Variants in CMSS1 observed in about 807,000 individuals in gnomAD.
CMSS1 encodes the protein cms1 ribosomal small subunit homolog, also known as protein CMSS1.
Under a neutral mutation model 43.5 loss-of-function variants are expected in CMSS1, and 33 were observed. That is an observed-to-expected ratio of 0.76 (90% CI 0.57 to 1.01). CMSS1 has a LOEUF of 1.01. Ranked by LOEUF, CMSS1 falls within the 50% of genes least tolerant of loss-of-function variation. The pLI is 0.00. For missense variants in CMSS1, 313 were observed against 326.4 expected (o/e 0.96, Z 0.32); for synonymous variants, 115 against 117.2 (o/e 0.98, Z 0.12).
intron 1 of CMSS1, among the ~76,000 whole-genome samples, chr3:99,900,441 C>G (rs767540781): frequency 1.3e-5 from 2 of 152,136 alleles, no homozygotes; most frequent in South Asian, 4.1e-4. Flanking sequence ...GATGAAGAAA[C>G]TGAGTCTCTA....
chr3:99,971,333 CAA>C (rs34655586), intron 1 of CMSS1, among the ~76,000 whole-genome samples: 12 of 121,492 alleles, frequency 9.9e-5, no homozygotes, highest in Admixed American at 2.6e-4. Context: ...GAGCCCATCT[CAA>C]AAAAAAAAAA....
At chr3:100,175,395 T>C (rs1188808237) in intron 8 of CMSS1, among the ~76,000 whole-genome samples, 1 of 152,230 alleles carries the variant, frequency 6.6e-6, no homozygotes, top group Non-Finnish European at 1.5e-5. Context: ...GAAGCTGTTA[T>C]AATATTATGC....
chr3:100,031,377 T>A (rs1488690989), intron 1 of CMSS1, among the ~76,000 whole-genome samples: 1 of 152,140 alleles, frequency 6.6e-6, no homozygotes, highest in African/African-American at 2.4e-5. Context: ...TACCCTCGTT[T>A]CCACTCATCC....
chr3:99,905,265 A>G (rs1384462083), intron 1 of CMSS1, among the ~76,000 whole-genome samples: 1 of 152,040 alleles, frequency 6.6e-6, no homozygotes, highest in African/African-American at 2.4e-5. Context: ...GAAACTCCCA[A>G]ATTTTTACCT....
At chr3:99,820,927 T>C (rs1402274053) in intron 1 of CMSS1, among the ~76,000 whole-genome samples, 1 of 152,258 alleles carries the variant, frequency 6.6e-6, no homozygotes, top group Non-Finnish European at 1.5e-5. Context: ...TGGATTATGC[T>C]ACCTGCCTAT....
chr3:99,959,394 C>T (rs1708429322), intron 1 of CMSS1, among the ~76,000 whole-genome samples: 1 of 152,202 alleles, frequency 6.6e-6, no homozygotes, highest in African/African-American at 2.4e-5. Flanking sequence ...TTGTGATCTG[C>T]CTGACTCAGA....
intron 1 of CMSS1, chr3:100,115,109 A>G: frequency 1.4e-6 from 1 of 723,510 alleles, no homozygotes; most frequent in Admixed American, 2.1e-5. Flanking sequence ...TTTAAGTAGG[A>G]TCACTTGTTC....
At position 100,144,413 on chromosome 3, in the gene CMSS1, C is replaced by T. The variant is rs1308633953; in HGVS notation, c.65-2560C>T. On this transcript the variant is annotated intron_variant, in intron 1 of 9. Transcript: ENST00000421999. ...CCAGGAGGGGATGGAAGTCCAGGCT[C>T]CTCATGTGGTCACCATTGATACTGC... Among the ~76,000 whole-genome samples, 9 of 152,274 alleles carry T rather than the reference C, an allele frequency of 5.9e-5. No homozygotes were observed. The South Asian group carries it at 1.7e-3, about 28-fold the overall frequency.
chr3:99,940,596 A>G (rs956725585), intron 1 of CMSS1, among the ~76,000 whole-genome samples: 1 of 152,142 alleles, frequency 6.6e-6, no homozygotes, highest in Non-Finnish European at 1.5e-5. Flanking sequence ...TGTTCTTTCC[A>G]TTGTATCACT....
chr3:99,917,820 A>T (rs1480648922), intron 1 of CMSS1, among the ~76,000 whole-genome samples: 1 of 152,224 alleles, frequency 6.6e-6, no homozygotes, highest in East Asian at 1.9e-4. Context: ...AGTCACTGTC[A>T]TTCTCACTGA....
At chr3:100,162,773 A>C (rs563156095) in intron 4 of CMSS1, among the ~76,000 whole-genome samples, 103 of 152,356 alleles carry the variant, frequency 6.8e-4, no homozygotes, top group African/African-American at 2.4e-3. Flanking sequence ...CAAGAGTTCA[A>C]GACCAGACTG....
At chr3:100,015,078 G>A (rs977960603) in intron 1 of CMSS1, among the ~76,000 whole-genome samples, 5 of 151,056 alleles carry the variant, frequency 3.3e-5, no homozygotes, top group African/African-American at 7.3e-5. Flanking sequence ...TGTATTGTAC[G>A]AGATAAGGGT....
chr3:100,138,288 A>T (rs1208663520), intron 1 of CMSS1, among the ~76,000 whole-genome samples: 1 of 152,240 alleles, frequency 6.6e-6, no homozygotes, highest in Non-Finnish European at 1.5e-5. Flanking sequence ...ATGGGCAAAG[A>T]CTTCATGACT....
chr3:99,868,461 C>T (rs1944628404), intron 1 of CMSS1, among the ~76,000 whole-genome samples: 1 of 152,164 alleles, frequency 6.6e-6, no homozygotes, highest in Non-Finnish European at 1.5e-5. Context: ...GATGAAGGAG[C>T]ATCATCCCTA....
At chr3:99,833,138 C>T (rs1559648873) in intron 1 of CMSS1, 6 of 1,062,362 alleles carry the variant, frequency 5.6e-6, no homozygotes, top group Non-Finnish European at 8.6e-6. Flanking sequence ...TTGGAAAGCT[C>T]ATTCATAGAA....
intron 1 of CMSS1, among the ~76,000 whole-genome samples, chr3:100,032,888 C>A (rs1024864832): frequency 6.6e-6 from 1 of 152,092 alleles, no homozygotes; most frequent in Non-Finnish European, 1.5e-5. Flanking sequence ...TACATTATTA[C>A]ATTTATTCCC....
At chr3:99,925,587 A>AT (rs1176662010) in intron 1 of CMSS1, among the ~76,000 whole-genome samples, 3 of 147,890 alleles carry the variant, frequency 2.0e-5, no homozygotes, top group Non-Finnish European at 3.0e-5. Flanking sequence ...TTTAAAAAAA[A>AT]TTTTTGATTA....
At chr3:99,916,777 T>C (rs1206447568) in intron 1 of CMSS1, among the ~76,000 whole-genome samples, 1 of 152,202 alleles carries the variant, frequency 6.6e-6, no homozygotes, top group African/African-American at 2.4e-5. Flanking sequence ...TTAACTCTGA[T>C]ACCCTGTGCT....
chr3:100,081,856 T>G (rs2065936959), intron 1 of CMSS1, among the ~76,000 whole-genome samples: 1 of 152,214 alleles, frequency 6.6e-6, no homozygotes, highest in South Asian at 2.1e-4. Flanking sequence ...TTTAGCAGCA[T>G]CCTTGGCCTC....
Sources: allele counts gnomAD v4.1 joint callset (sites outside exome capture counted in the v4.1 genomes callset), GRCh38; gene constraint gnomAD v4.1.1; transcripts MANE v1.5; gene names NCBI Gene and HGNC (gene_info 2026-07-23, HGNC 2026-07-21).